E2F3: variants seen among roughly 807,000 people sequenced by gnomAD.
The protein encoded by E2F3 is E2F transcription factor 3, also known as transcription factor E2F3.
E2F3 carries 11 observed loss-of-function variants against 44.4 expected under a neutral mutation model. The ratio of observed to expected loss-of-function variants is 0.25; its 90% CI spans 0.16 to 0.41. The LOEUF (loss-of-function observed/expected upper bound fraction) is 0.41, where lower values mean the gene tolerates loss of function less well. E2F3 is among the 10% of genes least tolerant of loss of function. The probability of loss-of-function intolerance (pLI) is 1.00; values close to 1 mark genes in which losing one functional copy is unlikely to be tolerated. For missense variants in E2F3, 487 were observed against 583.6 expected, an observed-to-expected ratio of 0.83 and a Z score of 1.70; for synonymous variants, 249 against 253.0, an observed-to-expected ratio of 0.98 and a Z score of 0.15.
chr6:20,410,936 AACT>A (rs1759652038), intron 1 of E2F3, among the ~76,000 whole-genome samples: 1 of 152,082 alleles, frequency 6.6e-6, no homozygotes, highest in Admixed American at 6.5e-5. Flanking sequence ...CTATTTTCTT[AACT>A]AGCCCTTAGT....
intron 1 of E2F3, among the ~76,000 whole-genome samples, chr6:20,403,366 T>C (rs1368145584): frequency 2.6e-5 from 4 of 151,814 alleles, no homozygotes; most frequent in Admixed American, 6.5e-5. Flanking sequence ...GCCCAGGCCT[T>C]CCTCGCCGGG....
rs1260737987 is a variant in E2F3, at chr6:20,486,695, T to C, written c.891T>C (p.Ala297=). Residue 297 remains alanine, a synonymous_variant, in exon 5 of 7, where the codon GCT becomes GCC. Coordinates refer to ENST00000346618, the MANE Select transcript of E2F3 (RefSeq NM_001949.5). ...LTEDSENQRL[A]YVTYQDIRKI... ...ATTCCTTGACACTCTTTACGTTAGCTTATGTTACATATCAAGATATTCGAA... is the reference window on the plus strand; with the variant it reads ...ATTCCTTGACACTCTTTACGTTAGCCTATGTTACATATCAAGATATTCGAA... 1 of 1,573,510 alleles carries C rather than the reference T, an allele frequency of 6.4e-7. No homozygotes were observed. The highest frequency in any genetic ancestry group is 2.2e-5 in the East Asian group (1 of 44,684).
chr6:20,415,953 A>G (rs944211935), intron 1 of E2F3, among the ~76,000 whole-genome samples: 8 of 152,196 alleles, frequency 5.3e-5, no homozygotes, highest in Admixed American at 3.3e-4. Flanking sequence ...CTCAGGGTCA[A>G]CTTCTCAGTG....
intron 1 of E2F3, among the ~76,000 whole-genome samples, chr6:20,468,970 C>G (rs1485958777): frequency 2.0e-5 from 3 of 152,122 alleles, no homozygotes; most frequent in African/African-American, 7.2e-5. Context: ...GAACCCCTAG[C>G]TAGTCTCAGG....
intron 4 of E2F3, among the ~76,000 whole-genome samples, chr6:20,483,589 A>C (rs1421232725): frequency 6.6e-6 from 1 of 152,222 alleles, no homozygotes; most frequent in Non-Finnish European, 1.5e-5. Context: ...AAAATACAAA[A>C]GGTCAGTTCT....
Position 20,476,385 on chromosome 6 carries a change from T to C in E2F3, c.394-3461T>C, listed in dbSNP as rs76096850. Among the ~76,000 whole-genome samples the C allele has an allele frequency of 1.7e-3, 258 of 150,344 alleles. 2 individuals carry two copies. In the East Asian group the frequency reaches 0.042, roughly 24 times the overall value. ...GACTCCGGGTCTCAAAAAAAAAAAA[T>C]GCTTTAAGCAAAAAGGAGAGTTTAT... On this transcript the variant is annotated intron_variant, in intron 1 of 6. Transcript: ENST00000346618.
intron 1 of E2F3, among the ~76,000 whole-genome samples, chr6:20,425,969 G>A (rs1278559264): frequency 1.3e-5 from 2 of 152,250 alleles, no homozygotes; most frequent in Admixed American, 6.5e-5. Flanking sequence ...CTCCCAAACA[G>A]AAGTCCTGTT....
At position 20,402,093 on chromosome 6, in the gene E2F3, AAAAG is replaced by A. The variant is rs1355075177; in HGVS notation, c.-138_-135del. Reference sequence around the variant, plus strand: ...CTGTGCGGTGCGGAAAAATAAAAAGAAAAGAGAGAGAGGGGGCTCGGAAGCGCCG... The same window carrying A: ...CTGTGCGGTGCGGAAAAATAAAAAGAAGAGAGAGGGGGCTCGGAAGCGCCG... On this transcript the variant is annotated 5_prime_UTR_variant, in exon 1 of 7. Coordinates refer to ENST00000346618, the MANE Select transcript of E2F3 (RefSeq NM_001949.5). The surrounding 1 kb of genome is among the most constrained non-coding windows in gnomAD (Gnocchi z 5.6). The A allele has an allele frequency of 1.7e-5, 23 of 1,373,374 alleles. No homozygotes were observed. Among genetic ancestry groups the A allele is most frequent in the Non-Finnish European group, 2.2e-5 (23 of 1,058,414 alleles). The allele number at this position is 1,373,374 out of a possible 1,614,324, so 85.1% of individuals were successfully genotyped here.
chr6:20,429,349 A>G (rs771204920), intron 1 of E2F3, among the ~76,000 whole-genome samples: 7 of 152,254 alleles, frequency 4.6e-5, no homozygotes, highest in Non-Finnish European at 7.3e-5. Flanking sequence ...TAAACAATTC[A>G]TAAGTTTTAA....
chr6:20,440,564 T>A (rs575139436), intron 1 of E2F3, among the ~76,000 whole-genome samples: 1 of 152,354 alleles, frequency 6.6e-6, no homozygotes, highest in South Asian at 2.1e-4. Context: ...ATGATACCAG[T>A]AGAAAAAAGG....
In E2F3 at chr6:20,402,457, A is replaced by C. The variant is rs781195037; in HGVS notation, c.225A>C (p.Gln75His). The change falls in exon 1 of 7, where the codon CAA becomes CAC. Residue 75 changes from glutamine to histidine, a missense_variant. Transcript: ENST00000346618. This position sits in a 1 kb window ranked among gnomAD's most constrained non-coding sequence, Gnocchi z 5.6. ...TSTTSCSSSL[Q>H]SGAVAAGPLL... ...CCACCTCCTGTTCCTCCTCCCTCCA[A>C]AGCGGCGCCGTAGCCGCCGGCCCCC... 5 of 1,608,998 alleles carry C rather than the reference A, an allele frequency of 3.1e-6. No homozygotes were observed. In the East Asian group the frequency reaches 1.1e-4, roughly 36 times the overall value.
intron 1 of E2F3, among the ~76,000 whole-genome samples, chr6:20,436,873 G>T (rs1397516812): frequency 6.6e-6 from 1 of 152,150 alleles, no homozygotes; most frequent in East Asian, 1.9e-4. Context: ...TAATCCCAGT[G>T]CTGTGGGAGG....
chr6:20,449,793 G>A (rs1761066877), intron 1 of E2F3, among the ~76,000 whole-genome samples: 2 of 152,054 alleles, frequency 1.3e-5, no homozygotes, highest in African/African-American at 4.8e-5. Flanking sequence ...TTCTCTGGTA[G>A]GCCCCACTGT....
At chr6:20,463,804 T>C (rs112833704) in intron 1 of E2F3, among the ~76,000 whole-genome samples, 2 of 152,242 alleles carry the variant, frequency 1.3e-5, no homozygotes, top group African/African-American at 4.8e-5. Context: ...AGAGATAGCG[T>C]CAGATCCCAC....
chr6:20,461,756 A>G (rs1448430783), intron 1 of E2F3, among the ~76,000 whole-genome samples: 1 of 152,178 alleles, frequency 6.6e-6, no homozygotes, highest in East Asian at 1.9e-4. Context: ...ATGCTGCTCT[A>G]CAAATTCTTG....
At chr6:20,443,278 T>G (rs550097104) in intron 1 of E2F3, among the ~76,000 whole-genome samples, 1 of 152,166 alleles carries the variant, frequency 6.6e-6, no homozygotes, top group South Asian at 2.1e-4. Context: ...ATATAGTGAT[T>G]CTGCATTCCA....
At chr6:20,480,020 T>C in intron 2 of E2F3, 63 bp downstream of exon 2, 1 of 1,541,088 alleles carries the variant, frequency 6.5e-7, no homozygotes, top group Non-Finnish European at 8.8e-7. Flanking sequence ...TTTCAAAGCT[T>C]ATGGCCGGAA....
Position 20,402,729 on chromosome 6 carries a change from G to C in E2F3, c.393+104G>C. ...GGCCGCTCGGGGAGAGCACTGGGCC[G>C]AGCATCGTGGGCCTCGGGGGCTGCC... On this transcript the variant is annotated intron_variant, in intron 1 of 6. Transcript: ENST00000346618. This position sits in a 1 kb window ranked among gnomAD's most constrained non-coding sequence, Gnocchi z 5.6. 1 of 1,253,474 alleles carries C rather than the reference G, an allele frequency of 8.0e-7. No individual in the cohort carries two copies. 77.6% of individuals were successfully genotyped at this position (1,253,474 alleles called of 1,614,324 possible). A position where few individuals can be genotyped will look rare whatever the true frequency, so the allele number is the denominator to read the frequency against.
intron 1 of E2F3, among the ~76,000 whole-genome samples, chr6:20,451,943 T>C (rs1274558570): frequency 6.6e-6 from 1 of 152,214 alleles, no homozygotes; most frequent in Non-Finnish European, 1.5e-5. Context: ...TTTGATGTGC[T>C]AGTGGGTTTG....
Sources: allele counts gnomAD v4.1 joint callset (sites outside exome capture counted in the v4.1 genomes callset), GRCh38; gene constraint gnomAD v4.1.1; non-coding constraint Gnocchi (gnomAD v3.1); transcripts MANE v1.5; gene names NCBI Gene and HGNC (gene_info 2026-07-23, HGNC 2026-07-21).